Variants in LAMB3 observed in about 807,000 individuals in gnomAD.
The protein encoded by LAMB3 is laminin subunit beta-3.
A neutral mutation model predicts 140.3 loss-of-function variants in LAMB3; 104 were observed. That is an observed-to-expected ratio of 0.74 (90% CI 0.63 to 0.87). The LOEUF (loss-of-function observed/expected upper bound fraction) is 0.87, where lower values mean the gene tolerates loss of function less well. LAMB3 is among the 40% of genes least tolerant of loss of function. The pLI is 0.00. For synonymous variants in LAMB3, 592 were observed against 602.9 expected, an observed-to-expected ratio of 0.98 and a Z score of 0.26; for missense variants, 1,531 against 1,575.2, an observed-to-expected ratio of 0.97 and a Z score of 0.47.
chr1:209,627,648 C>T (rs1054785620), intron 11 of LAMB3, 69 bp from the exon 12 acceptor site: 2 of 1,441,160 alleles, frequency 1.4e-6, no homozygotes, highest in Admixed American at 1.8e-5. Context: ...GGACACACAT[C>T]CAGGGAGGGG....
rs533688512 is a variant in LAMB3 at position 209,628,809 on chromosome 1, G to A, written c.1133-619C>T. ...CGGTTTTGTTGTCATTACTTACTGA[G>A]CAACTACTCTGTGCCAACCACTGAA... On this transcript the variant is annotated intron_variant, in intron 10 of 22. Coordinates refer to ENST00000356082, the MANE Select transcript of LAMB3 (RefSeq NM_000228.3). Among the ~76,000 whole-genome samples, 11 of 152,304 alleles carry A rather than the reference G, an allele frequency of 7.2e-5. No homozygotes were observed. The South Asian group carries it at 2.1e-3, about 29-fold the overall frequency.
At position 209,617,549 on chromosome 1, in the gene LAMB3, G is replaced by C. The variant is rs371981464; in HGVS notation, c.3089C>G (p.Thr1030Arg). Residue 1030 changes from threonine to arginine, a missense_variant, in exon 21 of 23, where the codon ACA becomes AGA. By Grantham distance (71) the Thr-to-Arg change is moderately conservative. Coordinates refer to ENST00000356082, the MANE Select transcript of LAMB3 (RefSeq NM_000228.3). ...QVLRPAEKLV[T>R]SMTKQLGDFW... ...GTCACCCAGCTGCTTGGTCATGCTT[G>C]TCACCAGCTTTTCTGCTGGCCGCAG... 2 of 1,614,134 alleles carry C rather than the reference G, an allele frequency of 1.2e-6. No individual in the cohort carries two copies. The highest frequency in any genetic ancestry group is 2.2e-5 in the South Asian group (2 of 91,084).
Position 209,638,581 on chromosome 1 carries a change from T to G in LAMB3, c.251A>C (p.Asn84Thr). ...PHNYYSHRVE[N>T]VASSSGPMRW... Reference sequence around the variant, plus strand: ...CATGGGGCCGGAGGATGAAGCCACATTCTCTACTCGGTGACTGTAGTAGTT... The same window carrying G: ...CATGGGGCCGGAGGATGAAGCCACAGTCTCTACTCGGTGACTGTAGTAGTT... Residue 84 changes from asparagine to threonine, a missense_variant, in exon 4 of 23, where the codon AAT (asparagine) becomes ACT (threonine). Coordinates refer to ENST00000356082, the MANE Select transcript of LAMB3 (RefSeq NM_000228.3). 1 of 1,614,088 alleles carries G rather than the reference T, an allele frequency of 6.2e-7. No homozygotes were observed. Among genetic ancestry groups the G allele is most frequent in the Non-Finnish European group, 8.5e-7 (1 of 1,179,954 alleles).
At chr1:209,649,714 C>T (rs550886349) in intron 3 of LAMB3, among the ~76,000 whole-genome samples, 11 of 152,338 alleles carry the variant, frequency 7.2e-5, no homozygotes, top group South Asian at 2.1e-4. Context: ...GAAAAGACTC[C>T]GTGTCATCTC....
rs761087646 is a variant in LAMB3, at chr1:209,618,560, T to G, written c.2801A>C (p.Glu934Ala). ...DSATVLQKMN[E>A]IQAIAARLPN... ...GAGCCTGGCTGCAATGGCCTGGATC[T>G]CATTCATCTTCTGCAGAACAGTAGC... Residue 934 changes from glutamate to alanine, a missense_variant, in exon 19 of 23, where the codon GAG becomes GCG. Glu to Ala is a moderately radical substitution (Grantham distance 107). Coordinates refer to ENST00000356082, the MANE Select transcript of LAMB3 (RefSeq NM_000228.3). 1 of 1,614,228 alleles carries G rather than the reference T, an allele frequency of 6.2e-7. No individual in the cohort carries two copies. The highest frequency in any genetic ancestry group is 1.1e-5 in the South Asian group (1 of 91,090).
chr1:209,640,804 A>AG (rs1018500993), intron 3 of LAMB3, among the ~76,000 whole-genome samples: 1 of 151,642 alleles, frequency 6.6e-6, no homozygotes, highest in Non-Finnish European at 1.5e-5. Context: ...AGCACAGGCC[A>AG]GGCGCGGTGG....
chr1:209,645,238 T>C (rs1171331261), intron 3 of LAMB3, among the ~76,000 whole-genome samples: 1 of 152,214 alleles, frequency 6.6e-6, no homozygotes, highest in Non-Finnish European at 1.5e-5. Context: ...AAGTCACATC[T>C]AAGTTTCTGA....
At position 209,634,464 on chromosome 1, in the gene LAMB3, G is replaced by A. The variant is rs116124880; in HGVS notation, c.547C>T (p.Arg183Cys). The part of the protein sequence containing the change: ...CQSLPQRPNA[R>C]LNGGKVQLNL... ...CTACCTACCTTCCCCCCATTTAGGC[G>A]TGCATTAGGCCTCTGAGGCAGGGAC... The change falls in exon 6 of 23, where the codon CGC (arginine) becomes TGC (cysteine). Residue 183 changes from arginine (R) to cysteine (C), a missense_variant. Physicochemically the swap from Arg to Cys is radical, Grantham distance 180. Transcript: ENST00000356082. The A allele has an allele frequency of 3.3e-4, 535 of 1,614,034 alleles. No homozygotes were observed. The highest frequency in any genetic ancestry group is 1.3e-3 in the Middle Eastern group (8 of 6,060).
intron 18 of LAMB3, 93 bp downstream of exon 18, chr1:209,622,431 CAGGCCTGGGACT>C: frequency 7.2e-7 from 1 of 1,383,440 alleles, no homozygotes; most frequent in Non-Finnish European, 1.0e-6. Context: ...CTGGATGTTG[CAGGCCTGGGACT>C]AGGGAGGGAG....
intron 6 of LAMB3, 69 bp from the exon 7 acceptor site, chr1:209,633,202 C>A (rs1333082232): frequency 1.7e-6 from 2 of 1,177,588 alleles, no homozygotes; most frequent in Non-Finnish European, 2.6e-6. Context: ...CAGAAGAAAC[C>A]TTTCTTTCCA....
At chr1:209,630,934 CAT>C (rs1666665894) in intron 8 of LAMB3, among the ~76,000 whole-genome samples, 199 bp from the exon 9 acceptor site, 1 of 152,220 alleles carries the variant, frequency 6.6e-6, no homozygotes, top group African/African-American at 2.4e-5. Context: ...CACATATGAG[CAT>C]GTGTGTGTGT....
intron 3 of LAMB3, among the ~76,000 whole-genome samples, chr1:209,644,814 G>C (rs2076501553): frequency 6.6e-6 from 1 of 152,198 alleles, no homozygotes; most frequent in Admixed American, 6.5e-5. Flanking sequence ...AAGTTGGCTA[G>C]TGTGCCGGGG....
Position 209,616,499 on chromosome 1 carries a change from C to T in LAMB3, c.3354G>A (p.Glu1118=), listed in dbSNP as rs1665969434. Residue 1118 remains glutamate, a synonymous_variant, in exon 22 of 23, where the codon GAG becomes GAA. Coordinates refer to ENST00000356082, the MANE Select transcript of LAMB3 (RefSeq NM_000228.3). ...TCATCCTGTCCATCATCTCCATGGT[C>T]TCCCCAAACAGCTCCTCTGCCTCTG... is the stretch of plus-strand genomic sequence containing the variant. The part of the protein sequence containing the change: ...VKTEAEELFG[E]TMEMMDRMKD... 1 of 1,614,040 alleles carries T rather than the reference C, an allele frequency of 6.2e-7. No individual in the cohort carries two copies. Among genetic ancestry groups the T allele is most frequent in the Non-Finnish European group, 8.5e-7 (1 of 1,180,030 alleles).
chr1:209,616,372 C>G, intron 22 of LAMB3, 99 bp downstream of exon 22: 6 of 1,368,512 alleles, frequency 4.4e-6, no homozygotes, highest in Non-Finnish European at 6.3e-6. Context: ...TCCCATAGCA[C>G]GGCTAGCTCC....
intron 3 of LAMB3, among the ~76,000 whole-genome samples, chr1:209,644,599 CTTT>C (rs76117460): frequency 1.9e-4 from 28 of 147,104 alleles, no homozygotes; most frequent in Non-Finnish European, 4.1e-4. Context: ...CTGTGCTGTT[CTTT>C]TTTTTTTTTC....
chr1:209,622,669 G>A lies in LAMB3; in HGVS notation c.2568C>T (p.Ala856=), dbSNP rs148395967. The A allele has an allele frequency of 2.3e-4, 379 of 1,614,096 alleles. No individual in the cohort carries two copies. The highest frequency in any genetic ancestry group is 1.3e-3 in the African/African-American group (99 of 75,026). ...ATTGAATCTGTGAGGCAGATTCCTCGGCTGCCCTAATCTGTTGACATACAC... is the reference window on the plus strand; with the variant it reads ...ATTGAATCTGTGAGGCAGATTCCTCAGCTGCCCTAATCTGTTGACATACAC... ...LQRTRQMIRA[A]EESASQIQSS... Residue 856 remains alanine (A), a synonymous_variant, in exon 18 of 23, where the codon GCC becomes GCT. Transcript: ENST00000356082.
chr1:209,617,954 G>T lies in LAMB3; in HGVS notation c.3004C>A (p.Gln1002Lys), dbSNP rs760837625. ...VALQEAQDTMQGTSRSLRLIQ... is the reference protein window; with the variant it reads ...VALQEAQDTMKGTSRSLRLIQ... ...AGCCGAAGGGAGCGGCTGGTGCCTTGCATGGTGTCCTGAGCTTCCTGCAGT... is the reference window on the plus strand; with the variant it reads ...AGCCGAAGGGAGCGGCTGGTGCCTTTCATGGTGTCCTGAGCTTCCTGCAGT... The change falls in exon 20 of 23, where the codon CAA becomes AAA. Residue 1002 changes from glutamine (Q) to lysine (K), a missense_variant. Transcript: ENST00000356082. 1 of 1,614,178 alleles carries T rather than the reference G, an allele frequency of 6.2e-7. No individual in the cohort carries two copies. The highest frequency in any genetic ancestry group is 1.1e-5 in the South Asian group (1 of 91,080).
intron 14 of LAMB3, among the ~76,000 whole-genome samples, chr1:209,625,365 A>G (rs578100923): frequency 2.0e-5 from 3 of 152,236 alleles, no homozygotes; most frequent in African/African-American, 7.2e-5. Context: ...AGCACTGGGC[A>G]CTTAAAAGAA....
In LAMB3 at chr1:209,632,697, G is replaced by A. The variant is rs768102929; in HGVS notation, c.708C>T (p.Ser236=). The change falls in exon 8 of 23, where the codon AGC becomes AGT. Residue 236 remains serine (S), a synonymous_variant. Transcript: ENST00000356082. Reference sequence around the variant, plus strand: ...GGAGCTGGGACACAGCATAGTAGGCGCTGGGAGGGTGGTAGCCCCTTTGGG... The same window carrying A: ...GGAGCTGGGACACAGCATAGTAGGCACTGGGAGGGTGGTAGCCCCTTTGGG... ...PVPQRGYHPP[S]AYYAVSQLRL... is the part of the protein sequence containing the mutation. 6.0e-5 allele frequency: 97 copies of A among 1,614,208 alleles called. No individual in the cohort carries two copies. Among genetic ancestry groups the A allele is most frequent in the African/African-American group, 9.3e-5 (7 of 75,070 alleles).
Sources: gnomAD v4.1 joint callset for allele counts (sites outside exome capture counted in the v4.1 genomes callset) on GRCh38, gnomAD v4.1.1 for gene constraint, MANE v1.5 for transcripts, NCBI Gene and HGNC (gene_info 2026-07-23, HGNC 2026-07-21) for gene names.